CRTAC1: variants seen among roughly 807,000 people sequenced by gnomAD.
The protein encoded by CRTAC1 is acidic secreted protein in cartilage.
CRTAC1 carries 37 observed loss-of-function variants against 67.8 expected under a neutral mutation model. That is an observed-to-expected ratio of 0.55 (90% CI 0.42 to 0.72). The LOEUF is 0.72. Among genes scored for constraint, CRTAC1 ranks in the 30% least tolerant of loss-of-function variants. The pLI, the probability that CRTAC1 is intolerant of heterozygous loss-of-function variation, is 0.00. For synonymous variants in CRTAC1, 348 were observed against 371.0 expected, an observed-to-expected ratio of 0.94 and a Z score of 0.71; for missense variants, 780 against 931.6, an observed-to-expected ratio of 0.84 and a Z score of 2.12.
Position 98,029,716 on chromosome 10 carries a change from A to G in CRTAC1, c.24+733T>C, listed in dbSNP as rs1295499691. 6.6e-6 allele frequency among the ~76,000 whole-genome samples: 1 copy of G among 152,190 alleles called. No homozygotes were observed. Among genetic ancestry groups the G allele is most frequent in the African/African-American group, 2.4e-5 (1 of 41,446 alleles). On this transcript the variant is annotated intron_variant, in intron 1 of 14. Coordinates refer to ENST00000370597, the MANE Select transcript of CRTAC1 (RefSeq NM_018058.7). The surrounding 1 kb of genome is among the most constrained non-coding windows in gnomAD (Gnocchi z 4.7). ...ACTGTACTGCAAAGAAGCGCGCTGC[A>G]TTGCTGGGCATGCCCCCAAGCCCGG...
At chr10:97,952,645 C>T (rs1444715117) in intron 2 of CRTAC1, among the ~76,000 whole-genome samples, 2 of 151,596 alleles carry the variant, frequency 1.3e-5, no homozygotes, top group Non-Finnish European at 1.5e-5. Context: ...TCCAAACAAA[C>T]CCCAGGTGGT....
chr10:97,885,716 C>A (rs1253061723), intron 11 of CRTAC1, among the ~76,000 whole-genome samples: 2 of 152,148 alleles, frequency 1.3e-5, no homozygotes, highest in African/African-American at 2.4e-5. Context: ...GGAAGGAGAG[C>A]TGTGCCCAGC....
chr10:97,908,156 G>A lies in CRTAC1; in HGVS notation c.716-9C>T, dbSNP rs1284191333. ...GCTGACGCCTCGGCCCCCTAGAAAA[G>A]ACATCGACCCACAGTGAGTGGCAGA... is the stretch of plus-strand genomic sequence containing the variant. On this transcript the variant is annotated splice_polypyrimidine_tract_variant and intron_variant, in intron 5 of 14. Transcript: ENST00000370597. The A allele has an allele frequency of 1.2e-6, 2 of 1,613,858 alleles. No homozygotes were observed. Among genetic ancestry groups the A allele is most frequent in the Non-Finnish European group, 1.7e-6 (2 of 1,179,890 alleles).
chr10:97,876,995 A>G (rs2050155930), intron 14 of CRTAC1, among the ~76,000 whole-genome samples: 1 of 106,148 alleles, frequency 9.4e-6, no homozygotes, highest in Non-Finnish European at 1.7e-5. Flanking sequence ...GGTAATGTTG[A>G]GTGGGTTCAC....
intron 2 of CRTAC1, among the ~76,000 whole-genome samples, chr10:97,969,912 A>G (rs185246708): frequency 1.3e-5 from 2 of 152,094 alleles, no homozygotes; most frequent in Admixed American, 6.5e-5. Context: ...ACAACTCTCA[A>G]ATTTATATCT....
intron 11 of CRTAC1, among the ~76,000 whole-genome samples, chr10:97,894,621 C>T (rs182824909): frequency 4.1e-4 from 60 of 147,574 alleles, no homozygotes; most frequent in African/African-American, 1.4e-3. Flanking sequence ...TAGTCTCGAA[C>T]TCTTGAGCTC....
At chr10:97,946,560 T>C (rs2051267675) in intron 2 of CRTAC1, among the ~76,000 whole-genome samples, 1 of 152,150 alleles carries the variant, frequency 6.6e-6, no homozygotes, top group Non-Finnish European at 1.5e-5. Context: ...TGGGAGCCTG[T>C]GGTTGGTAGC....
chr10:97,902,109 G>A (rs1473107138), intron 7 of CRTAC1, among the ~76,000 whole-genome samples: 1 of 152,194 alleles, frequency 6.6e-6, no homozygotes, highest in African/African-American at 2.4e-5. Flanking sequence ...GGTGGGCACC[G>A]GAAATCTCTG....
chr10:97,920,779 C>T (rs924913190), intron 4 of CRTAC1, among the ~76,000 whole-genome samples: 1 of 152,240 alleles, frequency 6.6e-6, no homozygotes, highest in African/African-American at 2.4e-5. Context: ...TGCTTCCTTG[C>T]AGGGTTCTTG....
intron 3 of CRTAC1, 126 bp from the exon 4 acceptor site, chr10:97,923,526 CAAGG>C: frequency 9.2e-7 from 1 of 1,091,540 alleles, no homozygotes; most frequent in Non-Finnish European, 1.4e-6. Flanking sequence ...TCATCTGCGG[CAAGG>C]AAGACCTCAA....
At chr10:97,951,157 T>C (rs1362316852) in intron 2 of CRTAC1, among the ~76,000 whole-genome samples, 5 of 152,186 alleles carry the variant, frequency 3.3e-5, no homozygotes, top group Non-Finnish European at 7.4e-5. Flanking sequence ...GTCCATACCT[T>C]GTGCATGTAC....
At chr10:98,018,879 A>G (rs748009642) in intron 1 of CRTAC1, among the ~76,000 whole-genome samples, 5 of 152,116 alleles carry the variant, frequency 3.3e-5, no homozygotes, top group Non-Finnish European at 7.4e-5. Context: ...AGCTCCTGGA[A>G]CTCAAGCAAC....
At chr10:97,934,961 G>A (rs1335607395) in intron 3 of CRTAC1, among the ~76,000 whole-genome samples, 3 of 146,498 alleles carry the variant, frequency 2.0e-5, no homozygotes, top group East Asian at 4.2e-4. Context: ...TGGAGGGGGC[G>A]TGGGTGGGGG....
intron 9 of CRTAC1, 82 bp from the exon 10 acceptor site, chr10:97,896,067 C>A: frequency 7.9e-7 from 1 of 1,263,184 alleles, no homozygotes. Flanking sequence ...GTGCAGTATC[C>A]ACAGCCCTGG....
At chr10:97,899,707 C>G (rs2050506622) in intron 8 of CRTAC1, among the ~76,000 whole-genome samples, 1 of 152,210 alleles carries the variant, frequency 6.6e-6, no homozygotes, top group Non-Finnish European at 1.5e-5. Flanking sequence ...TATTTTAAAA[C>G]ACGCTTAGTC....
At chr10:98,019,307 T>G (rs1843069807) in intron 1 of CRTAC1, among the ~76,000 whole-genome samples, 1 of 152,128 alleles carries the variant, frequency 6.6e-6, no homozygotes, top group Non-Finnish European at 1.5e-5. Context: ...TTTCCCCACA[T>G]TGCATGTTTC....
chr10:97,998,321 C>CAGA (rs1302718502), intron 2 of CRTAC1, among the ~76,000 whole-genome samples: 1 of 152,072 alleles, frequency 6.6e-6, no homozygotes, highest in Non-Finnish European at 1.5e-5. Flanking sequence ...AGAATGATGA[C>CAGA]AGACATGAAT....
chr10:98,024,847 G>A (rs11189469), intron 1 of CRTAC1, among the ~76,000 whole-genome samples: 1 of 136,862 alleles, frequency 7.3e-6, no homozygotes, highest in Non-Finnish European at 1.5e-5. Context: ...GGGGGTGGGA[G>A]AATGATTTGT....
intron 3 of CRTAC1, among the ~76,000 whole-genome samples, chr10:97,925,565 TGA>T (rs762333490): frequency 2.0e-4 from 28 of 139,288 alleles, no homozygotes; most frequent in Admixed American, 1.0e-3. Flanking sequence ...AGGGGATGAG[TGA>T]GAGTGAGTGT....
Sources: allele counts gnomAD v4.1 joint callset (sites outside exome capture counted in the v4.1 genomes callset), GRCh38; gene constraint gnomAD v4.1.1; non-coding constraint Gnocchi (gnomAD v3.1); transcripts MANE v1.5; gene names NCBI Gene and HGNC (gene_info 2026-07-23, HGNC 2026-07-21).